The following CALD1 variants were observed in gnomAD, a reference collection of about 807,000 sequenced individuals.
The protein encoded by CALD1 is caldesmon.
CALD1 carries 33 observed loss-of-function variants against 99.9 expected under a neutral mutation model. The observed-to-expected ratio is 0.33, with a 90% confidence interval of 0.25 to 0.44. CALD1 has a LOEUF of 0.44. CALD1 is among the 20% of genes least tolerant of loss of function. The pLI is 1.00. For synonymous variants in CALD1, 310 were observed against 325.0 expected (o/e 0.95, Z 0.50); for missense variants, 861 against 962.1 (o/e 0.89, Z 1.39).
At chr7:134,826,384 C>T (rs568848689) in intron 1 of CALD1, among the ~76,000 whole-genome samples, 2 of 152,246 alleles carry the variant, frequency 1.3e-5, no homozygotes, top group Admixed American at 6.5e-5. Context: ...TTATCCAAAT[C>T]TTAACTCTTT....
chr7:134,756,292 C>T (rs12674265), intron 1 of CALD1, among the ~76,000 whole-genome samples: 88,195 of 130,284 alleles, frequency 0.68, 30,883 homozygotes, highest in East Asian at 0.99. Context: ...AAAAAAAAAA[C>T]TAAAAATTAA....
At chr7:134,929,084 C>G (rs1805286949) in intron 4 of CALD1, among the ~76,000 whole-genome samples, 184 bp downstream of exon 4, 1 of 152,204 alleles carries the variant, frequency 6.6e-6, no homozygotes, top group African/African-American at 2.4e-5. Context: ...GATTTAGACA[C>G]TAGGACACAC....
At chr7:134,813,241 C>T (rs143830948) in intron 1 of CALD1, among the ~76,000 whole-genome samples, 2 of 152,140 alleles carry the variant, frequency 1.3e-5, no homozygotes, top group South Asian at 2.1e-4. Flanking sequence ...ATAGAGACAA[C>T]ATTTTCAGAA....
chr7:134,864,404 CT>C (rs34915812), intron 2 of CALD1, among the ~76,000 whole-genome samples: 25 of 142,590 alleles, frequency 1.8e-4, no homozygotes, highest in Non-Finnish European at 1.8e-4. Context: ...TTTTTCTTTC[CT>C]TTTTTTTTTT....
chr7:134,741,359 G>A (rs566928919), upstream of CALD1, among the ~76,000 whole-genome samples: 1 of 152,134 alleles, frequency 6.6e-6, no homozygotes, highest in Non-Finnish European at 1.5e-5. Context: ...AGACCAGCAT[G>A]GAGGTAACCA....
intron 3 of CALD1, among the ~76,000 whole-genome samples, chr7:134,922,700 T>G (rs1473927491): frequency 6.6e-6 from 1 of 152,200 alleles, no homozygotes; most frequent in African/African-American, 2.4e-5. Flanking sequence ...TGGCATATAT[T>G]TAGACCCTGG....
chr7:134,946,994 C>T (rs1277497593), intron 7 of CALD1, among the ~76,000 whole-genome samples: 1 of 152,156 alleles, frequency 6.6e-6, no homozygotes, highest in Non-Finnish European at 1.5e-5. Context: ...GCCTCTCCTT[C>T]CTTTTTAAGG....
At chr7:134,902,579 C>T (rs1410412290) in intron 3 of CALD1, among the ~76,000 whole-genome samples, 1 of 151,980 alleles carries the variant, frequency 6.6e-6, no homozygotes, top group Non-Finnish European at 1.5e-5. Flanking sequence ...GAGCCCACCT[C>T]GGAGCTACAG....
intron 3 of CALD1, among the ~76,000 whole-genome samples, chr7:134,871,883 A>C (rs547550060): frequency 1.3e-5 from 2 of 152,362 alleles, no homozygotes; most frequent in Admixed American, 1.3e-4. Context: ...ATTCTTCAGA[A>C]ACAGACCTTT....
intron 1 of CALD1, among the ~76,000 whole-genome samples, chr7:134,802,423 T>TG (rs71172476): frequency 4.0e-5 from 6 of 149,984 alleles, no homozygotes; most frequent in Non-Finnish European, 8.9e-5. Flanking sequence ...TTAAACTTAA[T>TG]AATATTTCAT....
At chr7:134,804,156 C>T (rs1406999329) in intron 1 of CALD1, among the ~76,000 whole-genome samples, 1 of 152,226 alleles carries the variant, frequency 6.6e-6, no homozygotes, top group Non-Finnish European at 1.5e-5. Context: ...TTCATACAAT[C>T]TCCCCGTTCA....
intron 2 of CALD1, among the ~76,000 whole-genome samples, chr7:134,856,774 A>G (rs1218559997): frequency 6.6e-6 from 1 of 152,222 alleles, no homozygotes; most frequent in African/African-American, 2.4e-5. Flanking sequence ...AGAATATAAA[A>G]TAGAGTTCCA....
In CALD1 at chr7:134,958,872, A is replaced by AATATATAT. The variant is rs58837080; in HGVS notation, c.2061+613_2061+620dup. 3.8e-3 allele frequency among the ~76,000 whole-genome samples: 468 copies of AATATATAT among 124,742 alleles called. 2 individuals are homozygous for AATATATAT. The highest frequency in any genetic ancestry group is 0.013 in the East Asian group (51 of 3,892). 81.8% of individuals were successfully genotyped at this position (124,742 alleles called of 152,430 possible). A position where few individuals can be genotyped will look rare whatever the true frequency, so the allele number is the denominator to read the frequency against. On this transcript the variant is annotated intron_variant, in intron 11 of 14. Coordinates refer to ENST00000361675, the MANE Select transcript of CALD1 (RefSeq NM_033138.4). Reference sequence around the variant, plus strand: ...TAACGAATGGGTTTACTGGTATTTAAATATATATATATATATATATATATA... The same window carrying AATATATAT: ...TAACGAATGGGTTTACTGGTATTTAAATATATATATATATATATATATATATATATATA...
At chr7:134,937,763 A>G (rs1187802891) in intron 6 of CALD1, among the ~76,000 whole-genome samples, 1 of 152,188 alleles carries the variant, frequency 6.6e-6, no homozygotes. Flanking sequence ...TAAAGAAAAC[A>G]TTTCCAGAAA....
chr7:134,721,834 A>G, the CALD1 span, among the ~76,000 whole-genome samples: 1 of 152,212 alleles, frequency 6.6e-6, no homozygotes, highest in Non-Finnish European at 1.5e-5. Context: ...CAGTACTTGA[A>G]GAATATTTTT....
chr7:134,802,478 C>T (rs1221056539), intron 1 of CALD1, among the ~76,000 whole-genome samples: 2 of 152,100 alleles, frequency 1.3e-5, no homozygotes, highest in Non-Finnish European at 2.9e-5. Flanking sequence ...TATTAATGGT[C>T]ATTTGAATCG....
chr7:134,931,494 G>A (rs1259371394), intron 4 of CALD1, among the ~76,000 whole-genome samples: 1 of 152,176 alleles, frequency 6.6e-6, no homozygotes, highest in Non-Finnish European at 1.5e-5. Flanking sequence ...TTTAAAGCTA[G>A]TTTTTACTCT....
At chr7:134,831,882 G>A (rs1799238785) in intron 1 of CALD1, among the ~76,000 whole-genome samples, 1 of 152,190 alleles carries the variant, frequency 6.6e-6, no homozygotes, top group African/African-American at 2.4e-5. Context: ...AAGTTTCAGA[G>A]CAAGAGTGGA....
At chr7:134,760,497 C>T (rs1278187202) in intron 1 of CALD1, among the ~76,000 whole-genome samples, 1 of 152,210 alleles carries the variant, frequency 6.6e-6, no homozygotes, top group Non-Finnish European at 1.5e-5. Context: ...TATATCATAA[C>T]TTGCACACTG....
Sources: allele counts gnomAD v4.1 joint callset (sites outside exome capture counted in the v4.1 genomes callset), GRCh38; gene constraint gnomAD v4.1.1; transcripts MANE v1.5; gene names NCBI Gene and HGNC (gene_info 2026-07-23, HGNC 2026-07-21).